LRRC42: variants seen among roughly 807,000 people sequenced by gnomAD.
The protein encoded by LRRC42 is leucine rich repeat containing 42, also known as leucine-rich repeat-containing protein 42.
In LRRC42, 43 loss-of-function variants were observed where a neutral mutation model predicts 44.3. That is an observed-to-expected ratio of 0.97 (90% confidence interval 0.76 to 1.25). LRRC42 has a LOEUF of 1.25. Ranked by LOEUF, LRRC42 falls within the 50% of genes most tolerant of loss-of-function variation. The probability of loss-of-function intolerance (pLI) is 0.00; values close to 1 mark genes in which losing one functional copy is unlikely to be tolerated. For missense variants in LRRC42, 540 were observed against 509.1 expected, an observed-to-expected ratio of 1.06 and a Z score of -0.58; for synonymous variants, 207 against 195.2, an observed-to-expected ratio of 1.06 and a Z score of -0.50.
chr1:53,954,722 C>A (rs972065022), intron 3 of LRRC42, among the ~76,000 whole-genome samples: 1 of 152,116 alleles, frequency 6.6e-6, no homozygotes, highest in African/African-American at 2.4e-5. Flanking sequence ...TATCCATTTG[C>A]GATGTCTGGA....
At chr1:53,961,651 AAAAT>A (rs1196282506) in intron 5 of LRRC42, among the ~76,000 whole-genome samples, 3 of 152,226 alleles carry the variant, frequency 2.0e-5, no homozygotes, top group Admixed American at 6.5e-5. Context: ...ATATCTTTTT[AAAAT>A]AAATAAATGC....
Position 53,962,390 on chromosome 1 carries a change from CAG to C in LRRC42, c.911_912del (p.Glu304GlyfsTer4). 6.2e-7 allele frequency: 1 copy of C among 1,612,862 alleles called. No individual in the cohort carries two copies. Among genetic ancestry groups the C allele is most frequent in the Non-Finnish European group, 8.5e-7 (1 of 1,178,808 alleles). On this transcript the variant is annotated frameshift_variant, in exon 7 of 9. Coordinates refer to ENST00000371370, the MANE Select transcript of LRRC42 (RefSeq NM_001256409.2). LOFTEE classifies it high-confidence loss of function. ...GAATTTGATCATAGTAACTGCAAGA[CAG>C]AGGGCTGGGCTGACCAGGTACTCCA...
Position 53,968,064 on chromosome 1 carries a change from C to A in LRRC42, c.*125C>A. 1 of 1,021,820 alleles carries A rather than the reference C, an allele frequency of 9.8e-7. No homozygotes were observed. Among genetic ancestry groups the A allele is most frequent in the Non-Finnish European group, 1.4e-6 (1 of 695,590 alleles). 63.3% of individuals were successfully genotyped at this position (1,021,820 alleles called of 1,614,324 possible). A position where few individuals can be genotyped will look rare whatever the true frequency, so the allele number is the denominator to read the frequency against. ...TTAGCATAGTAAGCAGATATTTCTACTTTTGTGGTGTGGGAGGGGAATGCT... is the reference window on the plus strand; with the variant it reads ...TTAGCATAGTAAGCAGATATTTCTAATTTTGTGGTGTGGGAGGGGAATGCT... On this transcript the variant is annotated 3_prime_UTR_variant, in exon 9 of 9. Coordinates refer to ENST00000371370, the MANE Select transcript of LRRC42 (RefSeq NM_001256409.2).
chr1:53,954,014 T>C (rs1027617298), intron 3 of LRRC42, among the ~76,000 whole-genome samples: 1 of 152,230 alleles, frequency 6.6e-6, no homozygotes, highest in African/African-American at 2.4e-5. Flanking sequence ...ATTACAGGCA[T>C]GAGCCCCCAT....
chr1:53,958,281 G>T lies in LRRC42; in HGVS notation c.605+1G>T. 6.2e-7 allele frequency: 1 copy of T among 1,613,006 alleles called. No individual in the cohort carries two copies. Among genetic ancestry groups the T allele is most frequent in the Non-Finnish European group, 8.5e-7 (1 of 1,179,242 alleles). ...ATCTCACCAATGAAGCCCTGTCTAG[G>T]TACTGACCTGTCACCACTTGCAGAT... On this transcript the variant is annotated splice_donor_variant, in intron 4 of 8. Transcript: ENST00000371370. LOFTEE classifies it high-confidence loss of function.
intron 2 of LRRC42, among the ~76,000 whole-genome samples, chr1:53,951,099 CAAAT>C (rs1654665989): frequency 6.6e-6 from 1 of 152,194 alleles, no homozygotes; most frequent in South Asian, 2.1e-4. Flanking sequence ...GACTCAGAAA[CAAAT>C]AAATACAACA....
chr1:53,949,287 A>G (rs1047460479), intron 2 of LRRC42, among the ~76,000 whole-genome samples: 1 of 152,072 alleles, frequency 6.6e-6, no homozygotes, highest in Non-Finnish European at 1.5e-5. Flanking sequence ...CCATCCATCC[A>G]TTTGTCCATT....
Position 53,967,881 on chromosome 1 carries a change from C to T in LRRC42, c.1229C>T (p.Ser410Leu), listed in dbSNP as rs1256084920. 1.2e-6 allele frequency: 2 copies of T among 1,614,078 alleles called. No individual in the cohort carries two copies. Among genetic ancestry groups the T allele is most frequent in the Non-Finnish European group, 1.7e-6 (2 of 1,180,050 alleles). Residue 410 changes from serine (S) to leucine (L), a missense_variant, in exon 9 of 9, where the codon TCA (serine) becomes TTA (leucine). Coordinates refer to ENST00000371370, the MANE Select transcript of LRRC42 (RefSeq NM_001256409.2). ...ETEQNNSSQP[S>L]KQKYVCLAVE... ...GAACAGAATAACTCTTCACAACCTT[C>T]AAAGCAGAAATATGTATGTCTTGCT...
intron 3 of LRRC42, 94 bp downstream of exon 3, chr1:53,952,566 AAT>A (rs1654724358): frequency 1.3e-5 from 13 of 989,972 alleles, no homozygotes; most frequent in Non-Finnish European, 1.9e-5. Flanking sequence ...TCCCTCATCA[AAT>A]AGCACTTCAG....
chr1:53,951,591 A>T (rs908817489), intron 2 of LRRC42, among the ~76,000 whole-genome samples: 9 of 152,084 alleles, frequency 5.9e-5, no homozygotes, highest in East Asian at 1.9e-4. Context: ...CGCTCGGCTA[A>T]TTTTTGTATT....
rs1305989079 is a variant in LRRC42, at chr1:53,954,653, GT to G, written c.473+2187del. 3.9e-5 allele frequency among the ~76,000 whole-genome samples: 6 copies of G among 152,192 alleles called. No homozygotes were observed. In the East Asian group the frequency reaches 7.7e-4, roughly 20 times the overall value. On this transcript the variant is annotated intron_variant, in intron 3 of 8. Transcript: ENST00000371370. ...ATATACTTTGTACAACTCGTATTCT[GT>G]TTTTTCCCCCACCTACCCTTATAGC...
intron 3 of LRRC42, among the ~76,000 whole-genome samples, chr1:53,953,929 C>T (rs1415068257): frequency 6.6e-6 from 1 of 151,890 alleles, no homozygotes; most frequent in Non-Finnish European, 1.5e-5. Flanking sequence ...TACGGGGTTT[C>T]ACCACGTTGG....
In LRRC42 at chr1:53,952,278, C is replaced by G; in HGVS notation, c.279C>G (p.Val93=). ...CCGCCAAATCCCTCTTCAGCCTTGTCCTGGGTTTCATCTCCGACAATGTGG... is the reference window on the plus strand; with the variant it reads ...CCGCCAAATCCCTCTTCAGCCTTGTGCTGGGTTTCATCTCCGACAATGTGG... ...RYSAKSLFSL[V]LGFISDNVDH... Residue 93 remains valine (V), a synonymous_variant, in exon 3 of 9, where the codon GTC becomes GTG. Transcript: ENST00000371370. The G allele has an allele frequency of 2.5e-6, 4 of 1,614,202 alleles. No homozygotes were observed. The highest frequency in any genetic ancestry group is 1.3e-5 in the African/African-American group (1 of 75,052).
intron 2 of LRRC42, among the ~76,000 whole-genome samples, chr1:53,951,197 A>T (rs1024128117): frequency 6.6e-6 from 1 of 152,220 alleles, no homozygotes; most frequent in African/African-American, 2.4e-5. Flanking sequence ...TTCTGTGTCT[A>T]AACATGTTTT....
rs564024539 is a variant in LRRC42 at position 53,958,295 on chromosome 1, C to T, written c.605+15C>T. 5.6e-6 allele frequency: 9 copies of T among 1,612,348 alleles called. No individual in the cohort carries two copies. The highest frequency in any genetic ancestry group is 7.6e-6 in the Non-Finnish European group (9 of 1,178,844). On this transcript the variant is annotated intron_variant, in intron 4 of 8. Coordinates refer to ENST00000371370, the MANE Select transcript of LRRC42 (RefSeq NM_001256409.2). ...GCCCTGTCTAGGTACTGACCTGTCA[C>T]CACTTGCAGATGAATTGTTTCAGTA...
intron 4 of LRRC42, 89 bp downstream of exon 4, chr1:53,958,369 C>A (rs1654902416): frequency 6.7e-7 from 1 of 1,501,688 alleles, no homozygotes; most frequent in Admixed American, 1.9e-5. Flanking sequence ...ATGCTGATTA[C>A]TTCCCATTCT....
intron 4 of LRRC42, among the ~76,000 whole-genome samples, chr1:53,958,534 A>G (rs1459497017): frequency 3.3e-5 from 5 of 152,182 alleles, no homozygotes; most frequent in Non-Finnish European, 7.3e-5. Flanking sequence ...AATATGTAAT[A>G]CTTGAAGCTA....
chr1:53,958,095 T>A (rs1654890898), intron 3 of LRRC42, 54 bp from the exon 4 acceptor site: 1 of 1,604,624 alleles, frequency 6.2e-7, no homozygotes, highest in South Asian at 1.1e-5. Context: ...CCACAAATGG[T>A]AATGCTTTAA....
rs1043863906 is a variant in LRRC42 at position 53,958,485 on chromosome 1, C to T, written c.605+205C>T. On this transcript the variant is annotated intron_variant, in intron 4 of 8. Transcript: ENST00000371370. Reference sequence around the variant, plus strand: ...AGAAAGTCAGTCAGTTGACTCAAGTCAGTTAGTTGACTCTTTTTTTCTAAG... The same window carrying T: ...AGAAAGTCAGTCAGTTGACTCAAGTTAGTTAGTTGACTCTTTTTTTCTAAG... Among the ~76,000 whole-genome samples, 13 of 152,312 alleles carry T rather than the reference C, an allele frequency of 8.5e-5. No individual in the cohort carries two copies. The East Asian group carries it at 2.5e-3, about 29-fold the overall frequency.
Sources: gnomAD v4.1 joint callset for allele counts (sites outside exome capture counted in the v4.1 genomes callset) on GRCh38, gnomAD v4.1.1 for gene constraint, MANE v1.5 for transcripts, NCBI Gene and HGNC (gene_info 2026-07-23, HGNC 2026-07-21) for gene names.